MTA3: variants seen among roughly 807,000 people sequenced by gnomAD.
MTA3 encodes metastasis associated 1 family member 3.
MTA3 carries 34 observed loss-of-function variants against 83.5 expected under a neutral mutation model. That is an observed-to-expected ratio of 0.41 (90% CI 0.31 to 0.54). MTA3 has a LOEUF of 0.54. Ranked by LOEUF, MTA3 falls within the 20% of genes least tolerant of loss-of-function variation. The probability of loss-of-function intolerance (pLI) is 0.33; values close to 1 mark genes in which losing one functional copy is unlikely to be tolerated. For missense variants in MTA3, 761 were observed against 726.4 expected (o/e 1.05, Z -0.55); for synonymous variants, 303 against 252.7 (o/e 1.20, Z -1.89).
intron 2 of MTA3, among the ~76,000 whole-genome samples, chr2:42,540,170 A>T (rs1454086970): frequency 3.2e-5 from 4 of 125,412 alleles, no homozygotes; most frequent in African/African-American, 6.0e-5. Context: ...AACTTTGTAG[A>T]TTTTTTTTTT....
At chr2:42,564,410 T>C (rs1677815856), upstream of MTA3, among the ~76,000 whole-genome samples, 1 of 152,160 alleles carries the variant, frequency 6.6e-6, no homozygotes, top group Non-Finnish European at 1.5e-5. Flanking sequence ...AAGAACCATC[T>C]CTATGACTAG....
chr2:42,639,686 C>T (rs1687527799), intron 4 of MTA3, among the ~76,000 whole-genome samples: 1 of 152,110 alleles, frequency 6.6e-6, no homozygotes, highest in Non-Finnish European at 1.5e-5. Context: ...TAGTTATATC[C>T]TGATATGAAT....
At chr2:42,541,876 A>G (rs911390647) in intron 2 of MTA3, among the ~76,000 whole-genome samples, 4 of 152,156 alleles carry the variant, frequency 2.6e-5, no homozygotes, top group South Asian at 2.1e-4. Flanking sequence ...CCAGATGGCT[A>G]CTGTCAATTA....
chr2:42,743,157 C>T (rs573925261), intron 16 of MTA3, among the ~76,000 whole-genome samples: 1 of 152,180 alleles, frequency 6.6e-6, no homozygotes, highest in Non-Finnish European at 1.5e-5. Flanking sequence ...GGCAGATGGG[C>T]TGTACAGGCC....
At chr2:42,727,402 A>T (rs1203877917) in intron 16 of MTA3, among the ~76,000 whole-genome samples, 1 of 152,172 alleles carries the variant, frequency 6.6e-6, no homozygotes, top group Non-Finnish European at 1.5e-5. Flanking sequence ...TTCCAGTCCC[A>T]TCTCCTCCAC....
intron 6 of MTA3, among the ~76,000 whole-genome samples, chr2:42,647,521 C>G (rs559262356): frequency 2.0e-5 from 3 of 151,008 alleles, no homozygotes; most frequent in African/African-American, 7.3e-5. Flanking sequence ...GCCATCCCCC[C>G]ACCCCACCTG....
chr2:42,619,504 C>T (rs1452973893), intron 4 of MTA3, among the ~76,000 whole-genome samples: 1 of 152,174 alleles, frequency 6.6e-6, no homozygotes, highest in African/African-American at 2.4e-5. Flanking sequence ...AAAACCTCTA[C>T]ATACAAAGTA....
At chr2:42,637,361 G>C (rs1482274606) in intron 4 of MTA3, among the ~76,000 whole-genome samples, 1 of 152,146 alleles carries the variant, frequency 6.6e-6, no homozygotes, top group Non-Finnish European at 1.5e-5. Context: ...CATGACACAT[G>C]ATTAGGTTCA....
intron 2 of MTA3, among the ~76,000 whole-genome samples, chr2:42,577,814 C>G (rs867788239): frequency 2.0e-5 from 3 of 152,058 alleles, no homozygotes; most frequent in South Asian, 4.1e-4. Flanking sequence ...ACAAAAATCA[C>G]ATTGAAAATC....
intron 2 of MTA3, among the ~76,000 whole-genome samples, chr2:42,536,336 C>T (rs564099390): frequency 1.3e-5 from 2 of 151,480 alleles, no homozygotes; most frequent in South Asian, 2.1e-4. Flanking sequence ...TTAGCTGGGC[C>T]TGGTGGCACA....
chr2:42,548,001 T>C (rs1676837558), intron 2 of MTA3, among the ~76,000 whole-genome samples: 1 of 152,216 alleles, frequency 6.6e-6, no homozygotes, highest in Admixed American at 6.5e-5. Flanking sequence ...TAGTTAGCTT[T>C]AAAGCTACTA....
chr2:42,719,820 G>A (rs567222890), intron 15 of MTA3, among the ~76,000 whole-genome samples: 66 of 152,252 alleles, frequency 4.3e-4, no homozygotes, highest in African/African-American at 1.4e-3. Context: ...ATTAAGAATA[G>A]TATACAAAAT....
At chr2:42,524,335 C>G (rs1675570146) in intron 2 of MTA3, among the ~76,000 whole-genome samples, 1 of 151,614 alleles carries the variant, frequency 6.6e-6, no homozygotes, top group South Asian at 2.1e-4. Flanking sequence ...GAGTCTCACC[C>G]TGTTGCCTGG....
In MTA3 at chr2:42,568,760, G is replaced by A; in HGVS notation, c.15G>A (p.Met5Ile). The A allele has an allele frequency of 8.2e-7, 1 of 1,219,964 alleles. No individual in the cohort carries two copies. Among genetic ancestry groups the A allele is most frequent in the Non-Finnish European group, 1.0e-6 (1 of 981,102 alleles). 75.6% of individuals were successfully genotyped at this position (1,219,964 alleles called of 1,614,324 possible). A position where few individuals can be genotyped will look rare whatever the true frequency, so the allele number is the denominator to read the frequency against. The change falls in exon 1 of 17, where the codon ATG becomes ATA. Residue 5 changes from methionine to isoleucine, a missense_variant. Met to Ile is a conservative substitution (Grantham distance 10). Transcript: ENST00000405094. ...GGCGGGCGGACATGGCGGCCAACAT[G>A]TACCGGGTCGGAGGTAGGCAGGCTC... MAANMYRVGDYVYFE... is the reference protein window; with the variant it reads MAANIYRVGDYVYFE...
At chr2:42,669,877 TAGAAAG>T (rs1573554166) in intron 8 of MTA3, among the ~76,000 whole-genome samples, 1 of 152,278 alleles carries the variant, frequency 6.6e-6, no homozygotes, top group East Asian at 1.9e-4. Flanking sequence ...TTGGGAGAAA[TAGAAAG>T]AGAATTGTTT....
intron 4 of MTA3, among the ~76,000 whole-genome samples, chr2:42,631,704 T>A (rs1457074216): frequency 1.3e-5 from 2 of 152,220 alleles, no homozygotes; most frequent in African/African-American, 4.8e-5. Context: ...TATTATTATT[T>A]TTTGAGACGG....
chr2:42,510,794 A>C (rs1397920723), intron 2 of MTA3, among the ~76,000 whole-genome samples: 1 of 152,182 alleles, frequency 6.6e-6, no homozygotes, highest in Non-Finnish European at 1.5e-5. Flanking sequence ...TGGGAGAGCC[A>C]GGCAGAGAGA....
At position 42,659,829 on chromosome 2, in the gene MTA3, G is replaced by T; in HGVS notation, c.669G>T (p.Met223Ile). 2 of 1,607,090 alleles carry T rather than the reference G, an allele frequency of 1.2e-6. No individual in the cohort carries two copies. Among genetic ancestry groups the T allele is most frequent in the South Asian group, 2.2e-5 (2 of 89,640 alleles). ...SSSVRQPSLH[M>I]SAAAASRDIT... ...CTGTGAGGCAGCCTAGTTTGCATATGAGTGCTGCTGCAGCTTCCCGAGACA... is the reference window on the plus strand; with the variant it reads ...CTGTGAGGCAGCCTAGTTTGCATATTAGTGCTGCTGCAGCTTCCCGAGACA... Residue 223 changes from methionine (M) to isoleucine (I), a missense_variant, in exon 8 of 17, where the codon ATG (methionine) becomes ATT (isoleucine). Coordinates refer to ENST00000405094, the MANE Select transcript of MTA3 (RefSeq NM_001330442.2).
chr2:42,550,164 A>G (rs2103773489), intron 2 of MTA3, among the ~76,000 whole-genome samples: 1 of 152,302 alleles, frequency 6.6e-6, no homozygotes, highest in South Asian at 2.1e-4. Flanking sequence ...TACCATAAGA[A>G]CAAATCTTAT....
Sources: gnomAD v4.1 joint callset for allele counts (sites outside exome capture counted in the v4.1 genomes callset) on GRCh38, gnomAD v4.1.1 for gene constraint, MANE v1.5 for transcripts, NCBI Gene and HGNC (gene_info 2026-07-23, HGNC 2026-07-21) for gene names.